Variants in MID1 observed in about 807,000 individuals in gnomAD.
MID1 encodes the protein E3 ubiquitin-protein ligase Midline-1.
Under a neutral mutation model 40.4 loss-of-function variants are expected in MID1, and 7 were observed. The ratio of observed to expected loss-of-function variants is 0.17; its 90% CI spans 0.10 to 0.33. The LOEUF (loss-of-function observed/expected upper bound fraction) is 0.33, where lower values mean the gene tolerates loss of function less well. Ranked by LOEUF, MID1 falls within the 10% of genes least tolerant of loss-of-function variation. The pLI is 1.00. For synonymous variants in MID1, 229 were observed against 221.2 expected (o/e 1.04, Z -0.31); for missense variants, 367 against 558.5 (o/e 0.66, Z 3.46).
rs772332706 is a variant in MID1, at chrX:10,474,474, G to A, written c.1141+149C>T. 60 of 540,044 alleles carry A rather than the reference G, an allele frequency of 1.1e-4. 1 individual carries two copies. The African/African-American group carries it at 1.4e-3, about 12-fold the overall frequency. The allele number at this position is 540,044 out of a possible 1,213,427, so 44.5% of individuals were successfully genotyped here. A position where few individuals can be genotyped will look rare whatever the true frequency, so the allele number is the denominator to read the frequency against. ...TGTTGTTTTGATGAAAAAACAAAGG[G>A]CAATGCACAGAAATTGTTTATGGAA... is the stretch of plus-strand genomic sequence containing the variant. On this transcript the variant is annotated intron_variant, in intron 6 of 9. Transcript: ENST00000317552.
intron 2 of MID1, among the ~76,000 whole-genome samples, chrX:10,539,314 C>T (rs1933378560): frequency 8.9e-6 from 1 of 111,954 alleles, no homozygotes; most frequent in Non-Finnish European, 1.9e-5. Context: ...GGCTCTAGAT[C>T]AGACAGATGA....
chrX:10,731,559 C>T, intron 1 of MID1, among the ~76,000 whole-genome samples: 1 of 111,647 alleles, frequency 9.0e-6, no homozygotes, highest in Middle Eastern at 4.6e-3. Context: ...TGAGATGTAG[C>T]TTAAAGCACT....
chrX:10,811,904 T>C (rs1279414688), intron 1 of MID1, among the ~76,000 whole-genome samples: 5 of 112,291 alleles, frequency 4.5e-5, no homozygotes, highest in African/African-American at 1.6e-4. Context: ...ATTACATCTT[T>C]CTTATATTTT....
chrX:10,710,832 A>G (rs935372603), intron 1 of MID1, among the ~76,000 whole-genome samples: 3 of 111,681 alleles, frequency 2.7e-5, no homozygotes, highest in Admixed American at 1.9e-4. Flanking sequence ...AAATTCCAAC[A>G]TGCTGACTTT....
intron 4 of MID1, among the ~76,000 whole-genome samples, chrX:10,491,369 G>A (rs1930939428): frequency 9.1e-6 from 1 of 109,603 alleles, no homozygotes; most frequent in Non-Finnish European, 1.9e-5. Flanking sequence ...ATCCTGTTGT[G>A]CTTTTTCTAG....
At chrX:10,641,266 C>G (rs950893036) in intron 1 of MID1, among the ~76,000 whole-genome samples, 7 of 111,567 alleles carry the variant, frequency 6.3e-5, no homozygotes, top group African/African-American at 2.3e-4. Flanking sequence ...AATTGATAGA[C>G]TGCTAGCAAG....
chrX:10,498,469 T>C (rs900705403), intron 3 of MID1, among the ~76,000 whole-genome samples: 12 of 112,038 alleles, frequency 1.1e-4, no homozygotes, highest in African/African-American at 3.9e-4. Context: ...ATCATAAAAT[T>C]TGTCCATTTA....
chrX:10,653,281 G>A lies in MID1; in HGVS notation c.-186-32862C>T, dbSNP rs1315397223. ...ATTAGCTGCTTTCCTAGCTTTATGT[G>A]TTACCCTTCAAATGTGTAGATTAAT... On this transcript the variant is annotated intron_variant, in intron 1 of 10. Coordinates refer to the MID1 transcript ENST00000380785. 2.7e-5 allele frequency among the ~76,000 whole-genome samples: 3 copies of A among 112,523 alleles called. No homozygotes were observed. The Admixed American group carries it at 2.8e-4, about 11-fold the overall frequency.
intron 7 of MID1, among the ~76,000 whole-genome samples, chrX:10,468,161 G>A (rs1929493483): frequency 9.0e-6 from 1 of 111,720 alleles, no homozygotes; most frequent in South Asian, 3.7e-4. Context: ...ACACATTCTT[G>A]GTAAATGGCA....
At chrX:10,455,160 C>T (rs1928582233) in intron 8 of MID1, 83 bp from the exon 9 acceptor site, 1 of 904,957 alleles carries the variant, frequency 1.1e-6, no homozygotes, top group Admixed American at 2.3e-5. Context: ...TTTTCAAAAT[C>T]AGGTTTAAAA....
At chrX:10,586,981 T>C (rs1482906864) in intron 1 of MID1, among the ~76,000 whole-genome samples, 1 of 112,769 alleles carries the variant, frequency 8.9e-6, no homozygotes, top group Non-Finnish European at 1.9e-5. Flanking sequence ...AGATGTAGTT[T>C]ACTAATCTAC....
intron 1 of MID1, among the ~76,000 whole-genome samples, chrX:10,684,155 T>G (rs2043077868): frequency 9.0e-6 from 1 of 110,913 alleles, no homozygotes; most frequent in African/African-American, 3.3e-5. Context: ...GAATAAATGC[T>G]CAATGTAGAA....
At chrX:10,766,797 G>A (rs779216060) in intron 1 of MID1, among the ~76,000 whole-genome samples, 5 of 108,912 alleles carry the variant, frequency 4.6e-5, no homozygotes, top group Admixed American at 2.0e-4. Flanking sequence ...GCATGTGCCT[G>A]AGTCAGGAGG....
At chrX:10,638,270 G>T (rs890820241) in intron 1 of MID1, among the ~76,000 whole-genome samples, 2 of 111,799 alleles carry the variant, frequency 1.8e-5, no homozygotes, top group Non-Finnish European at 3.8e-5. Context: ...GGGAAGCCGT[G>T]ACAGACAGCA....
intron 1 of MID1, among the ~76,000 whole-genome samples, chrX:10,795,431 G>C: frequency 8.9e-6 from 1 of 112,084 alleles, no homozygotes; most frequent in Middle Eastern, 4.6e-3. Flanking sequence ...AATGCCACAA[G>C]GCCAGGATTG....
At chrX:10,750,836 G>C in intron 1 of MID1, among the ~76,000 whole-genome samples, 1 of 110,171 alleles carries the variant, frequency 9.1e-6, no homozygotes, top group Non-Finnish European at 1.9e-5. Flanking sequence ...TGAGGTGTGA[G>C]TCTTTATTTA....
chrX:10,827,497 T>G (rs1278247897), intron 1 of MID1, among the ~76,000 whole-genome samples: 3 of 72,933 alleles, frequency 4.1e-5, no homozygotes, highest in South Asian at 1.1e-3. Flanking sequence ...GAGAGAGAGA[T>G]TGAGAGAGAG....
intron 1 of MID1, among the ~76,000 whole-genome samples, chrX:10,709,188 C>T (rs2043249455): frequency 8.9e-6 from 1 of 112,332 alleles, no homozygotes; most frequent in African/African-American, 3.2e-5. Flanking sequence ...GTTCTGACTT[C>T]CAACTCTCTT....
At chrX:10,636,286 C>G (rs1413950342) in intron 1 of MID1, among the ~76,000 whole-genome samples, 2 of 111,787 alleles carry the variant, frequency 1.8e-5, no homozygotes, top group African/African-American at 6.5e-5. Context: ...CCACCCTGAC[C>G]AATTTTCTTT....
Sources: gnomAD v4.1 joint callset for allele counts (sites outside exome capture counted in the v4.1 genomes callset) on GRCh38, gnomAD v4.1.1 for gene constraint, MANE v1.5 for transcripts, NCBI Gene and HGNC (gene_info 2026-07-23, HGNC 2026-07-21) for gene names.